PRKN: variants seen among roughly 807,000 people sequenced by gnomAD.
PRKN encodes parkin RBR E3 ubiquitin protein ligase, also known as E3 ubiquitin-protein ligase parkin.
A neutral mutation model predicts 59.5 loss-of-function variants in PRKN; 56 were observed. The observed-to-expected ratio is 0.94, with a 90% CI of 0.76 to 1.18. The LOEUF is 1.18. Ranked by LOEUF, PRKN falls within the 50% of genes most tolerant of loss-of-function variation. The probability of loss-of-function intolerance (pLI) is 0.00; values close to 1 mark genes in which losing one functional copy is unlikely to be tolerated. For synonymous variants in PRKN, 250 were observed against 222.1 expected, an observed-to-expected ratio of 1.13 and a Z score of -1.12; for missense variants, 657 against 596.4, an observed-to-expected ratio of 1.10 and a Z score of -1.06.
At position 162,418,618 on chromosome 6, in the gene PRKN, G is replaced by GTGTGTGTGTGTGTGTGTGTC. The variant is rs1331080954; in HGVS notation, c.171+24691_171+24692insGACACACACACACACACACA. ...ATGAAGAGAGAGGGACAGACAGTGT[G>GTGTGTGTGTGTGTGTGTGTC]TGTGTGTGTGTGTGTGTGTGTGTGT... On this transcript the variant is annotated intron_variant, in intron 2 of 11. Transcript: ENST00000366898. 5.0e-5 allele frequency among the ~76,000 whole-genome samples: 7 copies of GTGTGTGTGTGTGTGTGTGTC among 140,594 alleles called. No individual in the cohort carries two copies. The East Asian group carries it at 8.2e-4, about 17-fold the overall frequency. 92.2% of individuals were successfully genotyped at this position (140,594 alleles called of 152,430 possible).
intron 7 of PRKN, among the ~76,000 whole-genome samples, chr6:161,780,733 C>T (rs553249711): frequency 6.6e-6 from 1 of 152,164 alleles, no homozygotes; most frequent in South Asian, 2.1e-4. Context: ...ATAAAATAGG[C>T]TCCGAGACAG....
At chr6:161,953,462 G>T (rs993140140) in intron 6 of PRKN, among the ~76,000 whole-genome samples, 1 of 152,076 alleles carries the variant, frequency 6.6e-6, no homozygotes, top group East Asian at 1.9e-4. Flanking sequence ...AATTTAGGGT[G>T]GGGGGATGGC....
At chr6:161,489,056 T>C (rs1777449530) in intron 9 of PRKN, among the ~76,000 whole-genome samples, 2 of 152,186 alleles carry the variant, frequency 1.3e-5, no homozygotes, top group South Asian at 2.1e-4. Context: ...ATTCTCACAA[T>C]ACTTTTTAAA....
intron 6 of PRKN, among the ~76,000 whole-genome samples, chr6:161,964,507 C>T (rs575109905): frequency 2.0e-5 from 3 of 152,054 alleles, no homozygotes; most frequent in Admixed American, 2.0e-4. Context: ...GTGAAGTAGC[C>T]TGCTTCAAGC....
In PRKN at chr6:161,362,351, T is replaced by C. The variant is rs1785009245; in HGVS notation, c.1168-2146A>G. Among the ~76,000 whole-genome samples the C allele has an allele frequency of 6.6e-6, 1 of 152,196 alleles. No individual in the cohort carries two copies. The highest frequency in any genetic ancestry group is 2.1e-4 in the South Asian group (1 of 4,832). Reference sequence around the variant, plus strand: ...TGGCATTTGCTGTGGGGCTATCTTCTTAGTCCCGCGCTGCCCATCATCTGG... The same window carrying C: ...TGGCATTTGCTGTGGGGCTATCTTCCTAGTCCCGCGCTGCCCATCATCTGG... On this transcript the variant is annotated intron_variant, in intron 10 of 11. Coordinates refer to ENST00000366898, the MANE Select transcript of PRKN (RefSeq NM_004562.3). The surrounding 1 kb of genome is among the most constrained non-coding windows in gnomAD (Gnocchi z 5.2).
intron 1 of PRKN, among the ~76,000 whole-genome samples, chr6:162,597,514 T>TA (rs1279330984): frequency 2.6e-5 from 4 of 152,248 alleles, no homozygotes; most frequent in Admixed American, 1.3e-4. Flanking sequence ...TGTGATTATA[T>TA]ATTTGAAGAC....
Position 161,900,912 on chromosome 6 carries a change from GTATATA to G in PRKN, c.734+72384_734+72389del, listed in dbSNP as rs59141220. 3.1e-5 allele frequency among the ~76,000 whole-genome samples: 3 copies of G among 97,824 alleles called. No homozygotes were observed. In the Admixed American group the frequency reaches 3.1e-4, roughly 10 times the overall value. 64.2% of individuals were successfully genotyped at this position (97,824 alleles called of 152,430 possible). A position where few individuals can be genotyped will look rare whatever the true frequency, so the allele number is the denominator to read the frequency against. On this transcript the variant is annotated intron_variant, in intron 6 of 11. Transcript: ENST00000366898. The stretch of plus-strand genomic sequence containing the variant: ...TTATATATAACACATATGTTAAATT[GTATATA>G]TATATATATATTTTTTAGATGGAGT...
intron 2 of PRKN, among the ~76,000 whole-genome samples, chr6:162,304,512 TA>T (rs1782127083): frequency 7.2e-6 from 1 of 138,860 alleles, no homozygotes; most frequent in Admixed American, 7.4e-5. Context: ...TCTATCTATC[TA>T]TCTATCTATC....
chr6:162,402,410 T>G (rs1000605247), intron 2 of PRKN, among the ~76,000 whole-genome samples: 1 of 152,048 alleles, frequency 6.6e-6, no homozygotes, highest in Non-Finnish European at 1.5e-5. Flanking sequence ...GTTCCCACAC[T>G]TTCCACTTCC....
chr6:161,565,725 T>C (rs1352191919), intron 8 of PRKN, among the ~76,000 whole-genome samples: 5 of 152,184 alleles, frequency 3.3e-5, no homozygotes, highest in African/African-American at 1.2e-4. Context: ...CATTTACTTA[T>C]AGCAATGTGA....
At chr6:161,679,319 T>G (rs964352861) in intron 7 of PRKN, among the ~76,000 whole-genome samples, 2 of 152,150 alleles carry the variant, frequency 1.3e-5, no homozygotes, top group South Asian at 4.1e-4. Context: ...CTGGGGCTGC[T>G]AAAGACGCCT....
chr6:161,637,327 A>G (rs936401015), intron 7 of PRKN, among the ~76,000 whole-genome samples: 15 of 152,322 alleles, frequency 9.8e-5, no homozygotes, highest in Middle Eastern at 3.4e-3. Flanking sequence ...AATCCATTTC[A>G]TTACCATAAA....
At chr6:162,322,048 A>G (rs1783045478) in intron 2 of PRKN, among the ~76,000 whole-genome samples, 1 of 152,028 alleles carries the variant, frequency 6.6e-6, no homozygotes, top group South Asian at 2.1e-4. Context: ...AAAATTAGAA[A>G]ATTCCTATTC....
At chr6:162,631,599 T>C (rs750194989) in intron 1 of PRKN, among the ~76,000 whole-genome samples, 1 of 152,182 alleles carries the variant, frequency 6.6e-6, no homozygotes, top group Non-Finnish European at 1.5e-5. Flanking sequence ...TAGGCCTTTG[T>C]CAAATGCATA....
chr6:162,571,384 C>T (rs373549033), intron 1 of PRKN: 1 of 147,152 alleles, frequency 6.8e-6, no homozygotes, highest in Non-Finnish European at 1.5e-5. Context: ...TATAAATATA[C>T]ACGCATACTA....
At chr6:161,858,986 C>T (rs1002782994) in intron 6 of PRKN, among the ~76,000 whole-genome samples, 6 of 150,678 alleles carry the variant, frequency 4.0e-5, no homozygotes, top group Non-Finnish European at 5.9e-5. Flanking sequence ...TCTCCTGCCT[C>T]GGCCTCCCGA....
At chr6:161,404,820 C>T (rs1465292646) in intron 9 of PRKN, among the ~76,000 whole-genome samples, 1 of 152,176 alleles carries the variant, frequency 6.6e-6, no homozygotes, top group Admixed American at 6.5e-5. Flanking sequence ...GATGGCCACA[C>T]CTGCCCCTTT....
intron 7 of PRKN, among the ~76,000 whole-genome samples, chr6:161,658,030 A>AAAGAAAAAAAG (rs1554289234): frequency 1.9e-5 from 2 of 104,880 alleles, no homozygotes; most frequent in African/African-American, 7.0e-5. Flanking sequence ...AAAAAAAAAA[A>AAAGAAAAAAAG]AAAAGAAAAG....
intron 6 of PRKN, among the ~76,000 whole-genome samples, chr6:161,882,314 C>T (rs1562362388): frequency 1.3e-5 from 2 of 152,134 alleles, no homozygotes; most frequent in African/African-American, 4.8e-5. Flanking sequence ...GCAGTAAACA[C>T]TTTGATCACA....
Sources: allele counts gnomAD v4.1 joint callset (sites outside exome capture counted in the v4.1 genomes callset), GRCh38; gene constraint gnomAD v4.1.1; non-coding constraint Gnocchi (gnomAD v3.1); transcripts MANE v1.5; gene names NCBI Gene and HGNC (gene_info 2026-07-23, HGNC 2026-07-21).